Variants in RMND5B observed in about 807,000 individuals in gnomAD.
The protein encoded by RMND5B is required for meiotic nuclear division 5 homolog B.
Under a neutral mutation model 50.4 loss-of-function variants are expected in RMND5B, and 42 were observed. The observed-to-expected ratio is 0.83, with a 90% confidence interval of 0.65 to 1.08. The LOEUF (loss-of-function observed/expected upper bound fraction) is 1.08, where lower values mean the gene tolerates loss of function less well. RMND5B is among the 50% of genes least tolerant of loss of function. RMND5B has a pLI of 0.00. For synonymous variants in RMND5B, 220 were observed against 210.0 expected, an observed-to-expected ratio of 1.05 and a Z score of -0.41; for missense variants, 463 against 508.5, an observed-to-expected ratio of 0.91 and a Z score of 0.86.
Position 178,137,965 on chromosome 5 carries a change from A to G in RMND5B, c.-12-143A>G. On this transcript the variant is annotated intron_variant, in intron 2 of 10. Coordinates refer to ENST00000313386, the MANE Select transcript of RMND5B (RefSeq NM_022762.5). The surrounding 1 kb of genome is among the most constrained non-coding windows in gnomAD (Gnocchi z 4.4). Reference sequence around the variant, plus strand: ...GTTATATGCTTACCAAAACATAGGTACATATATACATATATGTACAAAACA... The same window carrying G: ...GTTATATGCTTACCAAAACATAGGTGCATATATACATATATGTACAAAACA... The G allele has an allele frequency of 1.4e-6, 1 of 732,184 alleles. No individual in the cohort carries two copies. Among genetic ancestry groups the G allele is most frequent in the Non-Finnish European group, 2.2e-6 (1 of 464,926 alleles). The allele number at this position is 732,184 out of a possible 1,614,324, so 45.4% of individuals were successfully genotyped here. A position where few individuals can be genotyped will look rare whatever the true frequency, so the allele number is the denominator to read the frequency against.
intron 5 of RMND5B, 43 bp downstream of exon 5, chr5:178,143,035 C>T: frequency 6.3e-7 from 1 of 1,576,994 alleles, no homozygotes; most frequent in South Asian, 1.2e-5. Context: ...CCTGCTCTGC[C>T]TTTCACCTGC....
chr5:178,132,504 AG>A (rs1354449012), intron 2 of RMND5B, among the ~76,000 whole-genome samples: 1 of 151,910 alleles, frequency 6.6e-6, no homozygotes, highest in African/African-American at 2.4e-5. Flanking sequence ...TAGGGACAAA[AG>A]GGAATACATA....
In RMND5B at chr5:178,150,115, T is replaced by C; in HGVS notation, c.*2083T>C. The C allele has an allele frequency of 5.7e-6, 2 of 352,112 alleles. No individual in the cohort carries two copies. Among genetic ancestry groups the C allele is most frequent in the East Asian group, 6.6e-5 (1 of 15,062 alleles). 21.8% of individuals were successfully genotyped at this position (352,112 alleles called of 1,614,324 possible). On this transcript the variant is annotated 3_prime_UTR_variant, in exon 11 of 11. Transcript: ENST00000313386. ...CCCGGTCCCTGCCACCCCCACTTCC[T>C]GTGCCTCAGATCTGGCCCCTGTTAC...
Position 178,147,849 on chromosome 5 carries a change from C to T in RMND5B, c.1084C>T (p.Arg362Ter), listed in dbSNP as rs1363963984. 1.2e-5 allele frequency: 20 copies of T among 1,614,048 alleles called. No individual in the cohort carries two copies. Among genetic ancestry groups the T allele is most frequent in the Admixed American group, 3.3e-5 (2 of 59,998 alleles). The part of the protein sequence containing the change: ...IKLICGHVIS[R>*]DALNKLINGG... Reference sequence around the variant, plus strand: ...GCTCATCTGTGGCCATGTTATCTCCCGAGATGCACTCAATAAGCTCATTAA... The same window carrying T: ...GCTCATCTGTGGCCATGTTATCTCCTGAGATGCACTCAATAAGCTCATTAA... Residue 362 changes from arginine to a stop codon, truncating the protein, a stop_gained, in exon 10 of 11, where the codon CGA becomes TGA. Transcript: ENST00000313386. LOFTEE classifies it high-confidence loss of function.
rs375616263 is a variant in RMND5B at position 178,138,083 on chromosome 5, G to A, written c.-12-25G>A. On this transcript the variant is annotated intron_variant, in intron 2 of 10. Coordinates refer to ENST00000313386, the MANE Select transcript of RMND5B (RefSeq NM_022762.5). This position sits in a 1 kb window ranked among gnomAD's most constrained non-coding sequence, Gnocchi z 5.1. ...GCCATGCCACCGTGGCCCAGATGGG[G>A]CCTGACCCAGCTGACCCTCCCCAGG... 4.5e-6 allele frequency: 7 copies of A among 1,556,866 alleles called. No homozygotes were observed. The African/African-American group carries it at 6.8e-5, about 15-fold the overall frequency.
At chr5:178,146,081 C>G in intron 7 of RMND5B, 33 bp from the exon 8 acceptor site, 1 of 1,610,370 alleles carries the variant, frequency 6.2e-7, no homozygotes, top group Non-Finnish European at 8.5e-7. Flanking sequence ...GAGCCCTGCA[C>G]CCCCTGAGCT....
intron 7 of RMND5B, 45 bp downstream of exon 7, chr5:178,144,153 T>C: frequency 1.3e-6 from 2 of 1,590,366 alleles, no homozygotes; most frequent in South Asian, 1.1e-5. Context: ...GCCTGACACA[T>C]GTCTGGATGT....
At position 178,138,174 on chromosome 5, in the gene RMND5B, C is replaced by G. The variant is rs565958093; in HGVS notation, c.55C>G (p.Leu19Val). ...RELDKVLQKF[L>V]TYGQHCERSL... ...GCTGGACAAGGTCCTGCAGAAGTTC[C>G]TGACCTACGGGCAGCACTGTGAGCG... Residue 19 changes from leucine to valine, a missense_variant, in exon 3 of 11, where the codon CTG becomes GTG. Physicochemically the swap from Leu to Val is conservative, Grantham distance 32 (BLOSUM62 1). Coordinates refer to ENST00000313386, the MANE Select transcript of RMND5B (RefSeq NM_022762.5). This position sits in a 1 kb window ranked among gnomAD's most constrained non-coding sequence, Gnocchi z 5.1. 1.9e-6 allele frequency: 3 copies of G among 1,613,644 alleles called. No individual in the cohort carries two copies. Among genetic ancestry groups the G allele is most frequent in the Non-Finnish European group, 2.5e-6 (3 of 1,179,806 alleles).
Position 178,144,391 on chromosome 5 carries a change from G to A in RMND5B, c.694+283G>A, listed in dbSNP as rs143957952. ...CACTCATTTAGAGCATGCCATGCCC[G>A]TCCCACCTGTTCTGCCTCGTATGCC... On this transcript the variant is annotated intron_variant, in intron 7 of 10. Coordinates refer to ENST00000313386, the MANE Select transcript of RMND5B (RefSeq NM_022762.5). Among the ~76,000 whole-genome samples, 376 of 151,822 alleles carry A rather than the reference G, an allele frequency of 2.5e-3. 3 individuals carry two copies. Among genetic ancestry groups the A allele is most frequent in the African/African-American group, 8.8e-3 (362 of 41,366 alleles).
In RMND5B at chr5:178,146,232, C is replaced by T. The variant is rs573747497; in HGVS notation, c.813C>T (p.Asp271=). The T allele has an allele frequency of 3.3e-5, 54 of 1,614,176 alleles. No individual in the cohort carries two copies. Among genetic ancestry groups the T allele is most frequent in the Admixed American group, 1.3e-4 (8 of 60,026 alleles). The change falls in exon 8 of 11, where the codon GAC becomes GAT. Residue 271 remains aspartate, a synonymous_variant. Coordinates refer to ENST00000313386, the MANE Select transcript of RMND5B (RefSeq NM_022762.5). Reference sequence around the variant, plus strand: ...AGATCTGTGAGACCTTTACCCGGGACGCCTGTTCCCTGCTGGGGCTTTCTG... The same window carrying T: ...AGATCTGTGAGACCTTTACCCGGGATGCCTGTTCCCTGCTGGGGCTTTCTG... ...WAEICETFTR[D]ACSLLGLSVE...
At position 178,138,692 on chromosome 5, in the gene RMND5B, A is replaced by C. The variant is rs1194172822; in HGVS notation, c.139+434A>C. On this transcript the variant is annotated intron_variant, in intron 3 of 10. Transcript: ENST00000313386. The surrounding 1 kb of genome is among the most constrained non-coding windows in gnomAD (Gnocchi z 5.1). ...TTTTAGCTTTTAAGATTTTAAAGAT[A>C]ATTTCAAATTTACAGACCAATTCCA... Among the ~76,000 whole-genome samples the C allele has an allele frequency of 6.6e-6, 1 of 152,132 alleles. No individual in the cohort carries two copies.
chr5:178,141,193 C>T (rs563495718), intron 3 of RMND5B: 1 of 152,216 alleles, frequency 6.6e-6, no homozygotes, highest in South Asian at 2.1e-4. Context: ...AATTCACTTA[C>T]CATTAAACTC....
rs186103515 is a variant in RMND5B at position 178,140,745 on chromosome 5, G to A, written c.140-1838G>A. 1.7e-3 allele frequency among the ~76,000 whole-genome samples: 259 copies of A among 151,598 alleles called. 4 individuals carry two copies. Among genetic ancestry groups the A allele is most frequent in the African/African-American group, 5.9e-3 (244 of 41,288 alleles). On this transcript the variant is annotated intron_variant, in intron 3 of 10. Coordinates refer to ENST00000313386, the MANE Select transcript of RMND5B (RefSeq NM_022762.5). ...CTTGGGAGGCTGAGGCATGAGAATCGCTTGAACCCAGGAGGTGGAGGTTGC... is the reference window on the plus strand; with the variant it reads ...CTTGGGAGGCTGAGGCATGAGAATCACTTGAACCCAGGAGGTGGAGGTTGC...
chr5:178,149,824 G>A lies in RMND5B; in HGVS notation c.*1792G>A, dbSNP rs115334254. Reference sequence around the variant, plus strand: ...CACAGGTGGGGCGCTTGGAGCCTGCGGCTGCACCCAGGTCCTACAGAGGGG... The same window carrying A: ...CACAGGTGGGGCGCTTGGAGCCTGCAGCTGCACCCAGGTCCTACAGAGGGG... On this transcript the variant is annotated 3_prime_UTR_variant, in exon 11 of 11. Transcript: ENST00000313386. 2,714 of 1,613,720 alleles carry A rather than the reference G, an allele frequency of 1.7e-3. 38 individuals are homozygous for A. In the African/African-American group the frequency reaches 0.032, roughly 19 times the overall value.
At position 178,150,011 on chromosome 5, in the gene RMND5B, T is replaced by G; in HGVS notation, c.*1979T>G. 2 of 649,600 alleles carry G rather than the reference T, an allele frequency of 3.1e-6. No homozygotes were observed. Among genetic ancestry groups the G allele is most frequent in the Non-Finnish European group, 5.2e-6 (2 of 386,914 alleles). The allele number at this position is 649,600 out of a possible 1,614,324, so 40.2% of individuals were successfully genotyped here. On this transcript the variant is annotated 3_prime_UTR_variant, in exon 11 of 11. Transcript: ENST00000313386. ...GCCATCATTTAAACTCAATCAGACT[T>G]TGAAGGCATGGTCCAGCCACACAGG...
At position 178,150,189 on chromosome 5, in the gene RMND5B, C is replaced by T. The variant is rs916826930; in HGVS notation, c.*2157C>T. On this transcript the variant is annotated 3_prime_UTR_variant, in exon 11 of 11. Coordinates refer to ENST00000313386, the MANE Select transcript of RMND5B (RefSeq NM_022762.5). Reference sequence around the variant, plus strand: ...CCCTCTGAGCCTAAACCCACCTAACCGGACTAACATGGGTGAAGCATCTTA... The same window carrying T: ...CCCTCTGAGCCTAAACCCACCTAACTGGACTAACATGGGTGAAGCATCTTA... The T allele has an allele frequency of 5.1e-5, 12 of 237,562 alleles. No individual in the cohort carries two copies. Among genetic ancestry groups the T allele is most frequent in the African/African-American group, 2.3e-4 (10 of 43,582 alleles). The allele number at this position is 237,562 out of a possible 1,614,324, so 14.7% of individuals were successfully genotyped here. A position where few individuals can be genotyped will look rare whatever the true frequency, so the allele number is the denominator to read the frequency against.
In RMND5B at chr5:178,144,048, C is replaced by T. The variant is rs772188836; in HGVS notation, c.634C>T (p.Gln212Ter). 2.5e-6 allele frequency: 4 copies of T among 1,614,136 alleles called. No homozygotes were observed. Among genetic ancestry groups the T allele is most frequent in the Non-Finnish European group, 3.4e-6 (4 of 1,180,060 alleles). ...CCTCTTGGCAGGAGGCCCCGCGAAG[C>T]AGCTGGAGGCCCTCAGCTATGCTCG... ...IRLLAGGPAK[Q>*]LEALSYARHF... Residue 212 changes from glutamine to a stop codon, truncating the protein, a stop_gained, in exon 7 of 11, where the codon CAG (glutamine) becomes TAG (stop). Transcript: ENST00000313386. LOFTEE classifies it high-confidence loss of function.
At chr5:178,142,760 G>A (rs1226253368) in intron 4 of RMND5B, 32 bp downstream of exon 4, 1 of 1,614,228 alleles carries the variant, frequency 6.2e-7, no homozygotes, top group Non-Finnish European at 8.5e-7. Flanking sequence ...GGCGTGGGGT[G>A]GGAGCACCCT....
intron 9 of RMND5B, 34 bp downstream of exon 9, chr5:178,147,669 G>T: frequency 6.2e-7 from 1 of 1,614,064 alleles, no homozygotes. Context: ...TGGGCAAGAG[G>T]TACTGGGGAG....
Sources: gnomAD v4.1 joint callset for allele counts (sites outside exome capture counted in the v4.1 genomes callset) on GRCh38, gnomAD v4.1.1 for gene constraint, Gnocchi (gnomAD v3.1) non-coding constraint, MANE v1.5 for transcripts, NCBI Gene and HGNC (gene_info 2026-07-23, HGNC 2026-07-21) for gene names.